DPH6: variants seen among roughly 807,000 people sequenced by gnomAD.
DPH6 encodes diphthamine biosynthesis 6, also known as diphthine--ammonia ligase.
DPH6 carries 33 observed loss-of-function variants against 38.2 expected under a neutral mutation model. The observed-to-expected ratio is 0.86, with a 90% confidence interval of 0.65 to 1.15. The LOEUF (loss-of-function observed/expected upper bound fraction) is 1.15, where lower values mean the gene tolerates loss of function less well. DPH6 is among the 50% of genes most tolerant of loss of function. The pLI, the probability that DPH6 is intolerant of heterozygous loss-of-function variation, is 0.00. For missense variants in DPH6, 325 were observed against 320.0 expected (o/e 1.02, Z -0.12); for synonymous variants, 108 against 103.0 (o/e 1.05, Z -0.30).
At chr15:35,529,587 G>C (rs955985758) in intron 3 of DPH6, among the ~76,000 whole-genome samples, 9 of 152,098 alleles carry the variant, frequency 5.9e-5, no homozygotes, top group African/African-American at 1.9e-4. Context: ...CCCTTTAGTT[G>C]CATGCTCTAA....
At chr15:35,383,059 A>G (rs1343197102) in intron 6 of DPH6, among the ~76,000 whole-genome samples, 1 of 152,140 alleles carries the variant, frequency 6.6e-6, no homozygotes, top group Admixed American at 6.5e-5. Flanking sequence ...GAACTTTCTA[A>G]TTACACCTTT....
the DPH6 span, among the ~76,000 whole-genome samples, chr15:35,202,874 G>A: frequency 6.6e-6 from 1 of 151,654 alleles, no homozygotes; most frequent in Non-Finnish European, 1.5e-5. Flanking sequence ...CAGAAATAAC[G>A]TATTTTCTCT....
chr15:35,230,913 TCTC>T (rs1389288074), intron 3 of DPH6, among the ~76,000 whole-genome samples: 3 of 152,128 alleles, frequency 2.0e-5, no homozygotes, highest in Non-Finnish European at 4.4e-5. Context: ...TTCCATCTCC[TCTC>T]CTCAAGTTGA....
At chr15:35,365,933 C>A, downstream of DPH6, 1 of 985,258 alleles carries the variant, frequency 1.0e-6, no homozygotes. Flanking sequence ...CTGGTAAATA[C>A]CTTGCTCCAT....
At chr15:35,199,149 G>T in the DPH6 span, among the ~76,000 whole-genome samples, 1 of 152,116 alleles carries the variant, frequency 6.6e-6, no homozygotes, top group African/African-American at 2.4e-5. Flanking sequence ...CTGACCTCAG[G>T]TGATCCACCC....
Position 35,378,166 on chromosome 15 carries a change from G to C in DPH6, c.662+3656C>G, listed in dbSNP as rs142809600. On this transcript the variant is annotated intron_variant, in intron 7 of 8. Coordinates refer to ENST00000256538, the MANE Select transcript of DPH6 (RefSeq NM_080650.4). ...ACAACCCCATCAAAAAGTGGGCAAA[G>C]GATATAAACATACACTTCTCAAAAG... Among the ~76,000 whole-genome samples the C allele has an allele frequency of 2.9e-3, 449 of 152,270 alleles. 1 individual carries two copies. The highest frequency in any genetic ancestry group is 9.9e-3 in the African/African-American group (413 of 41,562).
intron 7 of DPH6, 77 bp downstream of exon 7, chr15:35,381,745 G>A (rs1168774762): frequency 1.8e-6 from 2 of 1,134,988 alleles, no homozygotes; most frequent in Non-Finnish European, 2.6e-6. Context: ...AACAAAAGTT[G>A]CCTCAAGCTT....
At chr15:35,535,242 A>C (rs1342084183) in intron 3 of DPH6, among the ~76,000 whole-genome samples, 1 of 152,188 alleles carries the variant, frequency 6.6e-6, no homozygotes, top group Non-Finnish European at 1.5e-5. Context: ...AAGGAACAAC[A>C]ATCACACCAG....
intron 3 of DPH6, chr15:35,237,865 C>G: frequency 2.0e-6 from 3 of 1,500,344 alleles, no homozygotes; most frequent in Non-Finnish European, 2.8e-6. Context: ...AGGAGTATGA[C>G]GAAGATGCTC....
At chr15:35,179,436 C>G in the DPH6 span, among the ~76,000 whole-genome samples, 3 of 151,822 alleles carry the variant, frequency 2.0e-5, no homozygotes, top group Admixed American at 6.6e-5. Flanking sequence ...CAAAAAGAGT[C>G]AAATACATTA....
chr15:35,503,723 T>C (rs2054656808), intron 3 of DPH6, among the ~76,000 whole-genome samples: 1 of 152,148 alleles, frequency 6.6e-6, no homozygotes, highest in Non-Finnish European at 1.5e-5. Flanking sequence ...GTCTCTCATC[T>C]TGAAACACTA....
chr15:35,341,574 G>GT, intron 3 of DPH6, among the ~76,000 whole-genome samples: 1 of 152,190 alleles, frequency 6.6e-6, no homozygotes, highest in Non-Finnish European at 1.5e-5. Context: ...TGTTGATGTT[G>GT]TTTTTTCTGT....
chr15:35,519,758 A>G (rs2054895578), intron 3 of DPH6: 1 of 152,398 alleles, frequency 6.6e-6, no homozygotes, highest in Non-Finnish European at 1.5e-5. Flanking sequence ...AAGCTTTACA[A>G]TAGAGGCTGA....
At chr15:35,184,663 A>G in the DPH6 span, among the ~76,000 whole-genome samples, 1 of 152,164 alleles carries the variant, frequency 6.6e-6, no homozygotes, top group African/African-American at 2.4e-5. Context: ...TGAAGCAAAC[A>G]TTTTTGTTTA....
downstream of DPH6, among the ~76,000 whole-genome samples, chr15:35,213,761 C>A (rs1367830235): frequency 2.6e-5 from 4 of 152,142 alleles, no homozygotes; most frequent in Non-Finnish European, 4.4e-5. Flanking sequence ...AGGCCCTGTG[C>A]CTAAGGTCCA....
the DPH6 span, among the ~76,000 whole-genome samples, chr15:35,154,061 A>G: frequency 1.4e-3 from 220 of 152,324 alleles, no homozygotes; most frequent in African/African-American, 5.1e-3. Flanking sequence ...TACATAATCA[A>G]TAAATATTTG....
downstream of DPH6, among the ~76,000 whole-genome samples, chr15:35,370,102 T>TA (rs1245861817): frequency 6.6e-6 from 1 of 151,722 alleles, no homozygotes; most frequent in Non-Finnish European, 1.5e-5. Context: ...GGAGAAAAGA[T>TA]AGTCTTTTCA....
the DPH6 span, among the ~76,000 whole-genome samples, chr15:35,171,848 A>G: frequency 6.6e-6 from 1 of 150,734 alleles, no homozygotes; most frequent in African/African-American, 2.4e-5. Context: ...AGTATTTTAT[A>G]ATATATATAT....
chr15:35,515,722 G>GAAAAAAAA (rs61568573), intron 3 of DPH6, among the ~76,000 whole-genome samples: 2 of 77,948 alleles, frequency 2.6e-5, no homozygotes, highest in Non-Finnish European at 2.3e-5. Flanking sequence ...CTCCGTCTCA[G>GAAAAAAAA]AAAAAAAAAA....
Sources: gnomAD v4.1 joint callset for allele counts (sites outside exome capture counted in the v4.1 genomes callset) on GRCh38, gnomAD v4.1.1 for gene constraint, MANE v1.5 for transcripts, NCBI Gene and HGNC (gene_info 2026-07-23, HGNC 2026-07-21) for gene names.